Variants in TMEM254 observed in about 807,000 individuals in gnomAD.
TMEM254 encodes transmembrane protein C10orf57.
A neutral mutation model predicts 13.9 loss-of-function variants in TMEM254; 16 were observed. That is an observed-to-expected ratio of 1.15 (90% CI 0.78 to 1.75). The LOEUF is 1.75. TMEM254 is among the 40% of genes most tolerant of loss of function. The pLI is 0.00. For missense variants in TMEM254, 155 were observed against 149.0 expected, an observed-to-expected ratio of 1.04 and a Z score of -0.21; for synonymous variants, 61 against 56.4, an observed-to-expected ratio of 1.08 and a Z score of -0.36.
At chr10:80,088,600 T>G (rs973752089) in intron 3 of TMEM254, among the ~76,000 whole-genome samples, 3 of 151,642 alleles carry the variant, frequency 2.0e-5, no homozygotes, top group Admixed American at 1.3e-4. Flanking sequence ...TTCCAGCAAC[T>G]TCTACTTTGA....
chr10:80,079,756 A>G (rs1843873357), intron 1 of TMEM254: 1 of 961,720 alleles, frequency 1.0e-6, no homozygotes, highest in South Asian at 4.8e-5. Flanking sequence ...TCTGTCACCC[A>G]GGCTGGAGTG....
Position 80,090,958 on chromosome 10 carries a change from C to A in TMEM254, c.*41C>A. ...TGCTCTACACTTTTACATTCATCCT[C>A]ACCCTTTTTTTTGTGGGGTAGAGGA... On this transcript the variant is annotated 3_prime_UTR_variant, in exon 4 of 4. Transcript: ENST00000372281. 1.2e-6 allele frequency: 2 copies of A among 1,606,020 alleles called. No homozygotes were observed. The highest frequency in any genetic ancestry group is 1.7e-6 in the Non-Finnish European group (2 of 1,177,334).
intron 3 of TMEM254, among the ~76,000 whole-genome samples, chr10:80,083,841 C>T (rs1844176076): frequency 2.0e-5 from 3 of 152,106 alleles, no homozygotes; most frequent in Admixed American, 2.0e-4. Flanking sequence ...CTTTAGGAGG[C>T]CAAGGTGGGC....
intron 3 of TMEM254, 54 bp from the exon 4 acceptor site, chr10:80,090,743 C>T: frequency 6.4e-7 from 1 of 1,562,914 alleles, no homozygotes. Context: ...CAATAACTCC[C>T]ATGAAACTGT....
chr10:80,079,378 T>G, intron 1 of TMEM254: 1 of 1,141,160 alleles, frequency 8.8e-7, no homozygotes, highest in Non-Finnish European at 1.1e-6. Flanking sequence ...GGTCCTCACC[T>G]CTGCATGGTT....
At chr10:80,079,372 C>G (rs1309928001) in intron 1 of TMEM254, 1 of 1,168,692 alleles carries the variant, frequency 8.6e-7, no homozygotes, top group African/African-American at 1.6e-5. Context: ...TCTTTGGGTC[C>G]TCACCTCTGC....
At chr10:80,079,780 T>G (rs1843875331) in intron 1 of TMEM254, 1 of 803,874 alleles carries the variant, frequency 1.2e-6, no homozygotes, top group Non-Finnish European at 1.5e-6. Flanking sequence ...TGGGGCGATC[T>G]CGGCTCACTG....
chr10:80,079,657 T>A, intron 1 of TMEM254: 21 of 986,954 alleles, frequency 2.1e-5, no homozygotes, highest in Non-Finnish European at 2.5e-5. Context: ...TGAGAAATAA[T>A]CTGTTTAAAG....
chr10:80,088,785 A>T (rs1247991509), intron 3 of TMEM254, among the ~76,000 whole-genome samples: 3 of 150,620 alleles, frequency 2.0e-5, no homozygotes, highest in Non-Finnish European at 4.4e-5. Flanking sequence ...AAAAAAAAAG[A>T]TAGGGTATCA....
intron 3 of TMEM254, among the ~76,000 whole-genome samples, chr10:80,086,723 C>T (rs1461425761): frequency 6.6e-6 from 1 of 151,646 alleles, no homozygotes; most frequent in East Asian, 2.0e-4. Context: ...CACCTGTAGT[C>T]CCAGCTACTC....
At chr10:80,086,661 T>G (rs1392330349) in intron 3 of TMEM254, among the ~76,000 whole-genome samples, 2 of 151,830 alleles carry the variant, frequency 1.3e-5, no homozygotes, top group Non-Finnish European at 2.9e-5. Flanking sequence ...GCCAATATGG[T>G]GAAACCCCGT....
At chr10:80,090,609 A>G (rs1283194214) in intron 3 of TMEM254, among the ~76,000 whole-genome samples, 188 bp from the exon 4 acceptor site, 1 of 152,230 alleles carries the variant, frequency 6.6e-6, no homozygotes, top group Non-Finnish European at 1.5e-5. Flanking sequence ...TCCAAAATAC[A>G]TTTGTTAGAA....
chr10:80,090,169 TATGTACAG>T (rs1164154152), intron 3 of TMEM254, among the ~76,000 whole-genome samples: 1 of 152,226 alleles, frequency 6.6e-6, no homozygotes, highest in East Asian at 1.9e-4. Flanking sequence ...GAGACTTATT[TATGTACAG>T]ATGAGACTGT....
At chr10:80,082,325 TC>T in intron 3 of TMEM254, 121 bp downstream of exon 3, 1 of 1,130,854 alleles carries the variant, frequency 8.8e-7, no homozygotes, top group Non-Finnish European at 1.3e-6. Context: ...TAGAGCGGAA[TC>T]CCCATGCCTG....
intron 3 of TMEM254, among the ~76,000 whole-genome samples, chr10:80,086,904 A>G (rs1844344580): frequency 6.6e-6 from 1 of 151,954 alleles, no homozygotes; most frequent in Admixed American, 6.6e-5. Context: ...CCAATTATAT[A>G]TATATACATA....
rs897440009 is a variant in TMEM254 at position 80,088,983 on chromosome 10, C to T, written c.252-1814C>T. On this transcript the variant is annotated intron_variant, in intron 3 of 3. Coordinates refer to ENST00000372281, the MANE Select transcript of TMEM254 (RefSeq NM_025125.4). The stretch of plus-strand genomic sequence containing the variant: ...CTGGAGTTCAGTGGCATGATCTTGG[C>T]TCCCTTTGTTTCATTTCATTTTCTA... Among the ~76,000 whole-genome samples, 82 of 148,728 alleles carry T rather than the reference C, an allele frequency of 5.5e-4. 1 individual carries two copies. The highest frequency in any genetic ancestry group is 1.8e-3 in the African/African-American group (74 of 40,386).
At position 80,090,404 on chromosome 10, in the gene TMEM254, T is replaced by A. The variant is rs79697661; in HGVS notation, c.252-393T>A. 1,112 of 717,654 alleles carry A rather than the reference T, an allele frequency of 1.5e-3. 16 individuals carry two copies. In the African/African-American group the frequency reaches 0.017, roughly 11 times the overall value. The allele number at this position is 717,654 out of a possible 1,614,324, so 44.5% of individuals were successfully genotyped here. A position where few individuals can be genotyped will look rare whatever the true frequency, so the allele number is the denominator to read the frequency against. On this transcript the variant is annotated intron_variant, in intron 3 of 3. Coordinates refer to ENST00000372281, the MANE Select transcript of TMEM254 (RefSeq NM_025125.4). Reference sequence around the variant, plus strand: ...GATGAGAAAACTGATTCTGAGAGATTCTGAGTGATTTGCCCAGGTCACAGC... The same window carrying A: ...GATGAGAAAACTGATTCTGAGAGATACTGAGTGATTTGCCCAGGTCACAGC...
At chr10:80,082,545 G>A (rs1451313696) in intron 3 of TMEM254, among the ~76,000 whole-genome samples, 3 of 152,126 alleles carry the variant, frequency 2.0e-5, no homozygotes, top group Non-Finnish European at 4.4e-5. Context: ...ACTGACCTAG[G>A]CCGATGACTC....
chr10:80,085,007 A>G (rs1277350550), intron 3 of TMEM254, among the ~76,000 whole-genome samples: 1 of 151,880 alleles, frequency 6.6e-6, no homozygotes, highest in African/African-American at 2.4e-5. Flanking sequence ...TTTTTAGTAG[A>G]GACAGAGTTT....
Sources: gnomAD v4.1 joint callset for allele counts (sites outside exome capture counted in the v4.1 genomes callset) on GRCh38, gnomAD v4.1.1 for gene constraint, MANE v1.5 for transcripts, NCBI Gene and HGNC (gene_info 2026-07-23, HGNC 2026-07-21) for gene names.